MYO9A: variants seen among roughly 807,000 people sequenced by gnomAD.
The protein encoded by MYO9A is myosin IXA.
In MYO9A, 103 loss-of-function variants were observed where a neutral mutation model predicts 293.3. That is an observed-to-expected ratio of 0.35 (90% confidence interval 0.30 to 0.41). The LOEUF (loss-of-function observed/expected upper bound fraction) is 0.41, where lower values mean the gene tolerates loss of function less well. Ranked by LOEUF, MYO9A falls within the 10% of genes least tolerant of loss-of-function variation. MYO9A has a pLI of 1.00. For synonymous variants in MYO9A, 1,001 were observed against 1,035.7 expected (o/e 0.97, Z 0.64); for missense variants, 2,685 against 3,033.0 (o/e 0.89, Z 2.69).
At chr15:72,113,623 A>C (rs2080861515) in intron 1 of MYO9A, among the ~76,000 whole-genome samples, 1 of 152,236 alleles carries the variant, frequency 6.6e-6, no homozygotes, top group African/African-American at 2.4e-5. Context: ...TGTACTATAC[A>C]TGTCAAAATT....
At chr15:71,964,865 G>C (rs2075833624) in intron 13 of MYO9A, among the ~76,000 whole-genome samples, 1 of 151,834 alleles carries the variant, frequency 6.6e-6, no homozygotes, top group African/African-American at 2.4e-5. Context: ...TGAGGAACGA[G>C]AATTGCTTGA....
intron 1 of MYO9A, among the ~76,000 whole-genome samples, chr15:72,111,777 T>C (rs894324680): frequency 6.6e-6 from 1 of 151,812 alleles, no homozygotes; most frequent in Non-Finnish European, 1.5e-5. Flanking sequence ...GCTAGGACCA[T>C]AGGTGAATGC....
At chr15:72,055,726 AATG>A (rs1247154400) in intron 1 of MYO9A, among the ~76,000 whole-genome samples, 5 of 152,308 alleles carry the variant, frequency 3.3e-5, no homozygotes, top group Admixed American at 6.5e-5. Context: ...CAACAGCATT[AATG>A]ATGAGGGAAA....
intron 19 of MYO9A, among the ~76,000 whole-genome samples, chr15:71,912,636 ATGTGG>A (rs2057893568): frequency 6.6e-6 from 1 of 152,174 alleles, no homozygotes; most frequent in Non-Finnish European, 1.5e-5. Flanking sequence ...TCAAACTTCC[ATGTGG>A]TTTTCCCATC....
intron 13 of MYO9A, among the ~76,000 whole-genome samples, chr15:71,964,734 C>T (rs1326355256): frequency 6.6e-6 from 1 of 151,932 alleles, no homozygotes; most frequent in African/African-American, 2.4e-5. Context: ...TTGCAGTGAG[C>T]CGAGATCGCG....
chr15:71,902,670 T>C (rs960596084), intron 22 of MYO9A, among the ~76,000 whole-genome samples: 1 of 152,162 alleles, frequency 6.6e-6, no homozygotes, highest in Non-Finnish European at 1.5e-5. Context: ...AATCTGGATA[T>C]GGTCACCTTG....
intron 39 of MYO9A, among the ~76,000 whole-genome samples, chr15:71,838,270 C>T (rs938519473): frequency 1.3e-5 from 2 of 151,978 alleles, no homozygotes; most frequent in African/African-American, 2.4e-5. Flanking sequence ...TCTTATGGTA[C>T]GTCACTTCCC....
chr15:72,007,746 T>C, intron 8 of MYO9A, 80 bp downstream of exon 8: 2 of 1,424,212 alleles, frequency 1.4e-6, no homozygotes, highest in Non-Finnish European at 1.9e-6. Context: ...CATTAACCCG[T>C]TTACACCTAC....
intron 18 of MYO9A, among the ~76,000 whole-genome samples, chr15:71,927,261 A>C (rs2058337132): frequency 6.6e-6 from 1 of 152,204 alleles, no homozygotes; most frequent in Non-Finnish European, 1.5e-5. Flanking sequence ...ACATTAACCC[A>C]CTGCCATATG....
chr15:71,929,073 T>TAA (rs71133934), intron 18 of MYO9A, among the ~76,000 whole-genome samples: 105 of 139,700 alleles, frequency 7.5e-4, no homozygotes, highest in African/African-American at 2.5e-3. Flanking sequence ...CTGTCTCTAT[T>TAA]AAAAAAAAAA....
At chr15:72,078,014 A>T (rs921979224) in intron 1 of MYO9A, among the ~76,000 whole-genome samples, 4 of 152,116 alleles carry the variant, frequency 2.6e-5, no homozygotes, top group African/African-American at 9.7e-5. Flanking sequence ...ATTCTGAAAC[A>T]ATGACAAAAC....
chr15:71,915,668 C>T (rs1445225319), intron 19 of MYO9A, among the ~76,000 whole-genome samples: 1 of 152,030 alleles, frequency 6.6e-6, no homozygotes, highest in Non-Finnish European at 1.5e-5. Flanking sequence ...ACAGATACAC[C>T]TATCATGAAT....
At chr15:71,852,442 C>A (rs1364016081) in intron 35 of MYO9A, 182 bp from the exon 36 acceptor site, 2 of 416,404 alleles carry the variant, frequency 4.8e-6, no homozygotes, top group Admixed American at 4.1e-5. Context: ...CAGCTCACCA[C>A]AACCTCTGCC....
intron 1 of MYO9A, among the ~76,000 whole-genome samples, chr15:72,082,481 G>A (rs1349483965): frequency 2.0e-5 from 3 of 152,118 alleles, no homozygotes; most frequent in Non-Finnish European, 2.9e-5. Context: ...CATGGACAGG[G>A]ACATGGACAG....
At chr15:72,056,708 C>A (rs1468598735) in intron 1 of MYO9A, among the ~76,000 whole-genome samples, 1 of 152,232 alleles carries the variant, frequency 6.6e-6, no homozygotes, top group South Asian at 2.1e-4. Flanking sequence ...GGCGCAGTGG[C>A]TCACGCCTGT....
Position 72,084,714 on chromosome 15 carries a change from G to A in MYO9A, c.-72+32966C>T, listed in dbSNP as rs190628596. Among the ~76,000 whole-genome samples, 3 of 152,268 alleles carry A rather than the reference G, an allele frequency of 2.0e-5. No individual in the cohort carries two copies. In the East Asian group the frequency reaches 5.8e-4, roughly 29 times the overall value. ...TTGAAAAGGATCTTATTTCCCCTTT[G>A]CTATGAAGCTTAGTTTGGCTGGATA... On this transcript the variant is annotated intron_variant, in intron 1 of 41. Coordinates refer to ENST00000356056, the MANE Select transcript of MYO9A (RefSeq NM_006901.4).
In MYO9A at chr15:71,898,157, T is replaced by C. The variant is rs1460899892; in HGVS notation, c.4346A>G (p.Asp1449Gly). Residue 1449 changes from aspartate (D) to glycine (G), a missense_variant, in exon 25 of 42, where the codon GAC (aspartate) becomes GGC (glycine). Transcript: ENST00000356056. ...CAAAGTAAGAGCTTCCCCCGCTGTG[T>C]CTTCATTTTCCAATAGTTTGTTTCT... ...IQRNKLLENE[D>G]TAGEALTLDI... The C allele has an allele frequency of 4.3e-6, 7 of 1,614,180 alleles. No homozygotes were observed. Among genetic ancestry groups the C allele is most frequent in the South Asian group, 1.1e-5 (1 of 91,078 alleles).
At chr15:71,983,537 C>T (rs576290034) in intron 11 of MYO9A, among the ~76,000 whole-genome samples, 2 of 128,512 alleles carry the variant, frequency 1.6e-5, no homozygotes, top group Admixed American at 2.0e-4. Flanking sequence ...AGTGCAATAG[C>T]GTGATCTCAG....
intron 1 of MYO9A, chr15:72,114,294 G>A (rs893622003): frequency 1.3e-5 from 2 of 152,154 alleles, no homozygotes; most frequent in Non-Finnish European, 2.9e-5. Context: ...TGAACAGGAG[G>A]GCATGACAAG....
Sources: allele counts gnomAD v4.1 joint callset (sites outside exome capture counted in the v4.1 genomes callset), GRCh38; gene constraint gnomAD v4.1.1; transcripts MANE v1.5; gene names NCBI Gene and HGNC (gene_info 2026-07-23, HGNC 2026-07-21).